Variants in AGPAT3 observed in about 807,000 individuals in gnomAD.
AGPAT3 encodes 1-acylglycerol-3-phosphate O-acyltransferase 3, also known as 1-acyl-sn-glycerol-3-phosphate acyltransferase gamma.
Under a neutral mutation model 47.3 loss-of-function variants are expected in AGPAT3, and 5 were observed. The ratio of observed to expected loss-of-function variants is 0.11; its 90% CI spans 0.06 to 0.22. The LOEUF is 0.22. Ranked by LOEUF, AGPAT3 falls within the 10% of genes least tolerant of loss-of-function variation. The pLI, the probability that AGPAT3 is intolerant of heterozygous loss-of-function variation, is 1.00. For synonymous variants in AGPAT3, 212 were observed against 208.3 expected (o/e 1.02, Z -0.15); for missense variants, 315 against 493.0 (o/e 0.64, Z 3.42).
chr21:43,936,379 C>T (rs1477046952), intron 2 of AGPAT3, among the ~76,000 whole-genome samples: 1 of 152,252 alleles, frequency 6.6e-6, no homozygotes, highest in African/African-American at 2.4e-5. Flanking sequence ...CTGCAGCGTT[C>T]GTCTGTCTGA....
At chr21:43,904,157 T>C (rs2086429999) in intron 2 of AGPAT3, 138 bp downstream of exon 2, 1 of 152,840 alleles carries the variant, frequency 6.5e-6, no homozygotes, top group Non-Finnish European at 1.5e-5. Context: ...TGATTAATTT[T>C]TCTTAAAGGT....
At position 43,967,883 on chromosome 21, in the gene AGPAT3, C is replaced by T. The variant is rs559466626; in HGVS notation, c.179-63C>T. 1.9e-4 allele frequency: 299 copies of T among 1,533,578 alleles called. 1 individual carries two copies. Among genetic ancestry groups the T allele is most frequent in the South Asian group, 1.5e-3 (126 of 84,226 alleles). The allele number at this position is 1,533,578 out of a possible 1,614,324, so 95.0% of individuals were successfully genotyped here. A position where few individuals can be genotyped will look rare whatever the true frequency, so the allele number is the denominator to read the frequency against. On this transcript the variant is annotated intron_variant, in intron 3 of 9. Coordinates refer to ENST00000291572, the MANE Select transcript of AGPAT3 (RefSeq NM_020132.5). ...AAATACTGTAGGTGTCTCCTGTGGGCGCTCCCTGACCATCCCAGGAGGAGG... is the reference window on the plus strand; with the variant it reads ...AAATACTGTAGGTGTCTCCTGTGGGTGCTCCCTGACCATCCCAGGAGGAGG...
At chr21:43,964,453 C>T (rs556137233) in intron 3 of AGPAT3, among the ~76,000 whole-genome samples, 11 of 151,932 alleles carry the variant, frequency 7.2e-5, no homozygotes, top group Non-Finnish European at 1.5e-4. Flanking sequence ...ACCTCGGCCT[C>T]CCAAAGTGCT....
intron 2 of AGPAT3, among the ~76,000 whole-genome samples, chr21:43,937,493 G>A (rs2087487304): frequency 6.6e-6 from 1 of 152,200 alleles, no homozygotes; most frequent in African/African-American, 2.4e-5. Flanking sequence ...GTGACATCGT[G>A]GCTGCCTCTG....
intron 2 of AGPAT3, among the ~76,000 whole-genome samples, chr21:43,941,084 AG>A (rs1272155293): frequency 2.0e-5 from 3 of 152,218 alleles, no homozygotes; most frequent in Non-Finnish European, 2.9e-5. Flanking sequence ...TGATGGTACC[AG>A]GTGGTGCAGG....
intron 1 of AGPAT3, among the ~76,000 whole-genome samples, chr21:43,875,034 G>T (rs1194933226): frequency 6.6e-6 from 1 of 152,148 alleles, no homozygotes; most frequent in Non-Finnish European, 1.5e-5. Context: ...AAGCTGGAGT[G>T]CAGTGGCACG....
rs372381562 is a variant in AGPAT3 at position 43,930,448 on chromosome 21, C to A, written c.-49+26429C>A. 6.6e-6 allele frequency among the ~76,000 whole-genome samples: 1 copy of A among 152,148 alleles called. No homozygotes were observed. The highest frequency in any genetic ancestry group is 6.5e-5 in the Admixed American group (1 of 15,276). On this transcript the variant is annotated intron_variant, in intron 2 of 9. Transcript: ENST00000291572. This position sits in a 1 kb window ranked among gnomAD's most constrained non-coding sequence, Gnocchi z 5.0. ...GAGTGTGACCTCAGGGTTGCCCGTGCGACCTCAGCGTGGCCCATGGGACCT... is the reference window on the plus strand; with the variant it reads ...GAGTGTGACCTCAGGGTTGCCCGTGAGACCTCAGCGTGGCCCATGGGACCT...
At position 43,955,509 on chromosome 21, in the gene AGPAT3, GCCT is replaced by G. The variant is rs1451215682; in HGVS notation, c.-48-4116_-48-4114del. ...AGTGGTGCGATCTCAGCTCACTGCAGCCTCCTCCTCCCAGGTTCAAGCTATTTT... is the reference window on the plus strand; with the variant it reads ...AGTGGTGCGATCTCAGCTCACTGCAGCCTCCTCCCAGGTTCAAGCTATTTT... On this transcript the variant is annotated intron_variant, in intron 2 of 9. Coordinates refer to ENST00000291572, the MANE Select transcript of AGPAT3 (RefSeq NM_020132.5). This position sits in a 1 kb window ranked among gnomAD's most constrained non-coding sequence, Gnocchi z 4.1. Among the ~76,000 whole-genome samples the G allele has an allele frequency of 1.3e-5, 2 of 152,020 alleles. No homozygotes were observed. Among genetic ancestry groups the G allele is most frequent in the Admixed American group, 6.5e-5 (1 of 15,284 alleles).
chr21:43,975,319 C>T (rs1438159479), intron 7 of AGPAT3, among the ~76,000 whole-genome samples: 7 of 137,094 alleles, frequency 5.1e-5, no homozygotes, highest in South Asian at 2.4e-4. Flanking sequence ...AGTGTGCTGG[C>T]GTGTGCTGGC....
chr21:43,923,147 C>T (rs933666990), intron 2 of AGPAT3, among the ~76,000 whole-genome samples: 5 of 151,678 alleles, frequency 3.3e-5, no homozygotes, highest in South Asian at 2.1e-4. Flanking sequence ...CTCGCAGCCT[C>T]GGGGACCTGT....
intron 3 of AGPAT3, among the ~76,000 whole-genome samples, chr21:43,962,619 C>A (rs1183214519): frequency 6.6e-6 from 1 of 152,126 alleles, no homozygotes; most frequent in Admixed American, 6.6e-5. Flanking sequence ...TAGCAAAAAC[C>A]GGGGTGTGCA....
At chr21:43,975,248 GGT>G (rs2089565309) in intron 7 of AGPAT3, among the ~76,000 whole-genome samples, 1 of 150,310 alleles carries the variant, frequency 6.7e-6, no homozygotes, top group Non-Finnish European at 1.5e-5. Context: ...GGTGTGTGCT[GGT>G]GTGTGGTGTG....
At chr21:43,941,610 C>CT (rs1430593323) in intron 2 of AGPAT3, among the ~76,000 whole-genome samples, 1 of 152,206 alleles carries the variant, frequency 6.6e-6, no homozygotes, top group African/African-American at 2.4e-5. Context: ...TTTGGGGCCT[C>CT]TGAGAGTTTG....
In AGPAT3 at chr21:43,934,757, T is replaced by C. The variant is rs1339551376; in HGVS notation, c.-48-24877T>C. 6.6e-6 allele frequency among the ~76,000 whole-genome samples: 1 copy of C among 151,560 alleles called. No individual in the cohort carries two copies. Among genetic ancestry groups the C allele is most frequent in the African/African-American group, 2.4e-5 (1 of 41,190 alleles). ...AGCAAGCCACGCCATGCCACCCACG[T>C]GCTGCCATATCACATCACGCCACCC... On this transcript the variant is annotated intron_variant, in intron 2 of 9. Transcript: ENST00000291572. This position sits in a 1 kb window ranked among gnomAD's most constrained non-coding sequence, Gnocchi z 4.7.
At chr21:43,980,401 G>A (rs1224683494) in intron 8 of AGPAT3, among the ~76,000 whole-genome samples, 1 of 152,168 alleles carries the variant, frequency 6.6e-6, no homozygotes, top group Non-Finnish European at 1.5e-5. Flanking sequence ...TGCTCTATCA[G>A]GCATGGTGAT....
chr21:43,886,070 G>GC (rs2085969476), intron 1 of AGPAT3, among the ~76,000 whole-genome samples: 1 of 152,214 alleles, frequency 6.6e-6, no homozygotes, highest in Non-Finnish European at 1.5e-5. Flanking sequence ...AAAGGGCACA[G>GC]CTGGGTGGAC....
Position 43,905,154 on chromosome 21 carries a change from A to ATAT in AGPAT3, c.-49+1135_-49+1136insTAT, listed in dbSNP as rs1569056322. On this transcript the variant is annotated intron_variant, in intron 2 of 9. Coordinates refer to ENST00000291572, the MANE Select transcript of AGPAT3 (RefSeq NM_020132.5). The stretch of plus-strand genomic sequence containing the variant: ...ATTTAGTGTCTCTTTTTTTAAAAAA[A>ATAT]ATATTTATTTATTTATTTATTTATT... 2.6e-5 allele frequency among the ~76,000 whole-genome samples: 3 copies of ATAT among 115,212 alleles called. No homozygotes were observed. In the East Asian group the frequency reaches 7.6e-4, roughly 29 times the overall value. The allele number at this position is 115,212 out of a possible 152,430, so 75.6% of individuals were successfully genotyped here.
At chr21:43,921,871 G>C (rs2086902927) in intron 2 of AGPAT3, among the ~76,000 whole-genome samples, 1 of 152,032 alleles carries the variant, frequency 6.6e-6, no homozygotes, top group Non-Finnish European at 1.5e-5. Flanking sequence ...CCCACCCCAA[G>C]CTGGGTGTCT....
rs2085891307 is a variant in AGPAT3, at chr21:43,883,143, G to T, written c.-112+17798G>T. On this transcript the variant is annotated intron_variant, in intron 1 of 9. Coordinates refer to ENST00000291572, the MANE Select transcript of AGPAT3 (RefSeq NM_020132.5). ...CCTTCCCTTCCTGGCTGGGGTGCTGGCCTGGGGAGCCTCCTGCCCGGGTCA... is the reference window on the plus strand; with the variant it reads ...CCTTCCCTTCCTGGCTGGGGTGCTGTCCTGGGGAGCCTCCTGCCCGGGTCA... Among the ~76,000 whole-genome samples the T allele has an allele frequency of 2.6e-5, 4 of 152,314 alleles. No individual in the cohort carries two copies. In the South Asian group the frequency reaches 8.3e-4, roughly 32 times the overall value.
Sources: allele counts gnomAD v4.1 joint callset (sites outside exome capture counted in the v4.1 genomes callset), GRCh38; gene constraint gnomAD v4.1.1; non-coding constraint Gnocchi (gnomAD v3.1); transcripts MANE v1.5; gene names NCBI Gene and HGNC (gene_info 2026-07-23, HGNC 2026-07-21).